The following LGSN variants were observed in gnomAD, a reference collection of about 807,000 sequenced individuals.
The protein encoded by LGSN is lengsin, lens protein with glutamine synthetase domain.
In LGSN, 21 loss-of-function variants were observed where a neutral mutation model predicts 19.5. The ratio of observed to expected loss-of-function variants is 1.07; its 90% CI spans 0.76 to 1.55. The LOEUF (loss-of-function observed/expected upper bound fraction) is 1.55, where lower values mean the gene tolerates loss of function less well. LGSN is among the 40% of genes most tolerant of loss of function. The pLI is 0.00. For missense variants in LGSN, 673 were observed against 608.5 expected (o/e 1.11, Z -1.12); for synonymous variants, 257 against 215.6 (o/e 1.19, Z -1.68).
chr6:63,450,969 C>A, the LGSN span, among the ~76,000 whole-genome samples: 1 of 152,092 alleles, frequency 6.6e-6, no homozygotes, highest in Non-Finnish European at 1.5e-5. Flanking sequence ...GCCACCACAC[C>A]CGGCTGTAAT....
chr6:63,550,879 GC>G, the LGSN span, among the ~76,000 whole-genome samples: 2 of 152,208 alleles, frequency 1.3e-5, no homozygotes, highest in Admixed American at 6.5e-5. Context: ...GCCTGCCTCG[GC>G]CTCCCAAAGT....
chr6:63,305,689 G>T lies in LGSN; in HGVS notation c.31-10644C>A, dbSNP rs540782840. Among the ~76,000 whole-genome samples the T allele has an allele frequency of 7.9e-5, 12 of 151,530 alleles. No homozygotes were observed. In the East Asian group the frequency reaches 2.4e-3, roughly 30 times the overall value. On this transcript the variant is annotated intron_variant, in intron 1 of 3. Coordinates refer to ENST00000370657, the MANE Select transcript of LGSN (RefSeq NM_016571.3). ...TCCAGAGTCGCTCTGAACCTATTTTGGTTCTCAGGGAGGCCCAATTCTCAA... is the reference window on the plus strand; with the variant it reads ...TCCAGAGTCGCTCTGAACCTATTTTTGTTCTCAGGGAGGCCCAATTCTCAA...
chr6:63,563,270 G>T, the LGSN span, among the ~76,000 whole-genome samples: 2 of 152,112 alleles, frequency 1.3e-5, no homozygotes, highest in Non-Finnish European at 2.9e-5. Context: ...CCTTTCCATG[G>T]CCTACAAGGT....
At chr6:63,553,048 AC>A in the LGSN span, among the ~76,000 whole-genome samples, 1 of 152,326 alleles carries the variant, frequency 6.6e-6, no homozygotes, top group East Asian at 1.9e-4. Flanking sequence ...ATACAGATGT[AC>A]CAGCACTGTA....
At chr6:63,453,581 C>A in the LGSN span, among the ~76,000 whole-genome samples, 565 of 152,120 alleles carry the variant, frequency 3.7e-3, 4 homozygotes, top group African/African-American at 0.013. Flanking sequence ...TTTAATAGAA[C>A]CACCCTGCTT....
the LGSN span, among the ~76,000 whole-genome samples, chr6:63,337,507 C>CA: frequency 1.3e-5 from 2 of 150,406 alleles, no homozygotes; most frequent in East Asian, 2.0e-4. Context: ...TAAATAAATA[C>CA]AAAAAAGACT....
chr6:63,434,302 TG>T, the LGSN span, among the ~76,000 whole-genome samples: 2 of 145,382 alleles, frequency 1.4e-5, no homozygotes, highest in Non-Finnish European at 3.0e-5. Context: ...TAGCCAGACA[TG>T]GTGGTGGGCG....
chr6:63,532,866 A>G, the LGSN span, among the ~76,000 whole-genome samples: 1 of 152,216 alleles, frequency 6.6e-6, no homozygotes, highest in African/African-American at 2.4e-5. Flanking sequence ...ATTTTTTGTT[A>G]CACTGATCAA....
chr6:63,468,711 A>G, the LGSN span, among the ~76,000 whole-genome samples: 1 of 152,102 alleles, frequency 6.6e-6, no homozygotes, highest in Non-Finnish European at 1.5e-5. Flanking sequence ...TACAGGCATG[A>G]GTCACTGCAC....
chr6:63,534,270 A>G, the LGSN span, among the ~76,000 whole-genome samples: 1 of 152,220 alleles, frequency 6.6e-6, no homozygotes, highest in Non-Finnish European at 1.5e-5. Context: ...ACTGGAAGGA[A>G]ACAGAAAGCA....
the LGSN span, among the ~76,000 whole-genome samples, chr6:63,408,214 A>T: frequency 1.3e-5 from 2 of 152,108 alleles, no homozygotes; most frequent in Non-Finnish European, 2.9e-5. Context: ...AAGAGCCCAC[A>T]TCGCCAAGTC....
At chr6:63,447,211 C>T in the LGSN span, among the ~76,000 whole-genome samples, 1 of 152,148 alleles carries the variant, frequency 6.6e-6, no homozygotes, top group Non-Finnish European at 1.5e-5. Context: ...TTTTTATAAA[C>T]AGTTGTGGAA....
the LGSN span, among the ~76,000 whole-genome samples, chr6:63,336,332 A>C: frequency 2.9e-3 from 441 of 152,254 alleles, 3 homozygotes; most frequent in African/African-American, 0.01. Context: ...TAAATGTAAC[A>C]AAGATTCACA....
the LGSN span, among the ~76,000 whole-genome samples, chr6:63,390,781 C>A: frequency 2.7e-5 from 4 of 150,568 alleles, no homozygotes; most frequent in South Asian, 6.3e-4. Flanking sequence ...ATGGCGTGAA[C>A]CCCGGGGGAC....
rs1562003614 is a variant in LGSN, at chr6:63,281,230, G to GA, written c.331-11dup. The GA allele has an allele frequency of 2.8e-6, 4 of 1,440,358 alleles. 1 individual carries two copies. The South Asian group carries it at 6.8e-5, about 24-fold the overall frequency. The allele number at this position is 1,440,358 out of a possible 1,614,324, so 89.2% of individuals were successfully genotyped here. On this transcript the variant is annotated splice_polypyrimidine_tract_variant and intron_variant, in intron 3 of 3. Coordinates refer to ENST00000370657, the MANE Select transcript of LGSN (RefSeq NM_016571.3). ...CATGGCTCACTTTCTCCTAAAGAAG[G>GA]AAAAAAATGAAGAAATTAGGTTTTG...
chr6:63,478,816 T>C, the LGSN span, among the ~76,000 whole-genome samples: 1 of 152,300 alleles, frequency 6.6e-6, no homozygotes, highest in South Asian at 2.1e-4. Context: ...TGCTTTAAGG[T>C]TGGTTTGATG....
the LGSN span, among the ~76,000 whole-genome samples, chr6:63,452,190 T>A: frequency 3.3e-5 from 5 of 152,094 alleles, no homozygotes; most frequent in Admixed American, 1.3e-4. Flanking sequence ...AAATGTTTGG[T>A]AGGTTTCACC....
Position 63,295,017 on chromosome 6 carries a change from G to A in LGSN, c.59C>T (p.Thr20Ile). 4 of 1,613,544 alleles carry A rather than the reference G, an allele frequency of 2.5e-6. No individual in the cohort carries two copies. The highest frequency in any genetic ancestry group is 3.4e-6 in the Non-Finnish European group (4 of 1,179,632). ...EDSTRDEGNE[T>I]EANSMNTLRR... ...TAATGTGTTCATGCTGTTGGCTTCA[G>A]TCTCATTGCCTTCATCTCTTGTTGA... Residue 20 changes from threonine (T) to isoleucine (I), a missense_variant, in exon 2 of 4, where the codon ACT becomes ATT. Coordinates refer to ENST00000370657, the MANE Select transcript of LGSN (RefSeq NM_016571.3).
chr6:63,302,981 A>T (rs1373067314), intron 1 of LGSN, among the ~76,000 whole-genome samples: 1 of 152,198 alleles, frequency 6.6e-6, no homozygotes, highest in Non-Finnish European at 1.5e-5. Context: ...TGCAAAAATT[A>T]TTCAGGCATG....
Sources: allele counts gnomAD v4.1 joint callset (sites outside exome capture counted in the v4.1 genomes callset), GRCh38; gene constraint gnomAD v4.1.1; transcripts MANE v1.5; gene names NCBI Gene and HGNC (gene_info 2026-07-23, HGNC 2026-07-21).